The following TLR2 variants were observed in gnomAD, a reference collection of about 807,000 sequenced individuals.
TLR2 encodes the protein toll-like receptor 2.
In TLR2, 7 loss-of-function variants were observed where a neutral mutation model predicts 9.1. The ratio of observed to expected loss-of-function variants is 0.77; its 90% CI spans 0.44 to 1.44. The LOEUF (loss-of-function observed/expected upper bound fraction) is 1.44, where lower values mean the gene tolerates loss of function less well. Among genes scored for constraint, TLR2 ranks in the 40% most tolerant of loss-of-function variants. The pLI, the probability that TLR2 is intolerant of heterozygous loss-of-function variation, is 0.01. For synonymous variants in TLR2, 317 were observed against 344.6 expected, an observed-to-expected ratio of 0.92 and a Z score of 0.89; for missense variants, 812 against 904.6, an observed-to-expected ratio of 0.90 and a Z score of 1.31.
intron 2 of TLR2, among the ~76,000 whole-genome samples, chr4:153,698,671 A>T (rs1488742364): frequency 6.6e-6 from 1 of 152,224 alleles, no homozygotes; most frequent in African/African-American, 2.4e-5. Flanking sequence ...TTATAAGATA[A>T]TAAAAACCTC....
Position 153,704,094 on chromosome 4 carries a change from A to C in TLR2, c.1187A>C (p.Gln396Pro), listed in dbSNP as rs1737137483. ...WPSLQTLILR[Q>P]NHLASLEKTG... ...TCTCTACAAACTTTAATTTTAAGGC[A>C]AAATCATTTGGCATCATTGGAAAAA... Residue 396 changes from glutamine to proline, a missense_variant, in exon 3 of 3, where the codon CAA becomes CCA. Transcript: ENST00000642700. 1 of 1,614,100 alleles carries C rather than the reference A, an allele frequency of 6.2e-7. No individual in the cohort carries two copies. The highest frequency in any genetic ancestry group is 8.5e-7 in the Non-Finnish European group (1 of 1,180,002).
chr4:153,702,640 T>G, intron 2 of TLR2: 1 of 388,178 alleles, frequency 2.6e-6, no homozygotes, highest in Non-Finnish European at 4.6e-6. Context: ...TCCGGATGGT[T>G]GTGCTTTTAA....
At chr4:153,687,808 G>A (rs1461089415) in intron 1 of TLR2, 94 bp from the exon 2 acceptor site, 1 of 152,174 alleles carries the variant, frequency 6.6e-6, no homozygotes, top group Non-Finnish European at 1.5e-5. Context: ...CACACTGTTG[G>A]ATGCTCTCTG....
chr4:153,685,422 G>T (rs1268178483), intron 1 of TLR2, among the ~76,000 whole-genome samples: 2 of 152,180 alleles, frequency 1.3e-5, no homozygotes, highest in Non-Finnish European at 2.9e-5. Context: ...TTGCTGAGAT[G>T]ACTTTAATCT....
chr4:153,699,415 A>G (rs1736729175), intron 2 of TLR2, among the ~76,000 whole-genome samples: 1 of 152,212 alleles, frequency 6.6e-6, no homozygotes, highest in African/African-American at 2.4e-5. Context: ...ATCCCTCTAA[A>G]TGGGCATCTT....
downstream of TLR2, among the ~76,000 whole-genome samples, chr4:153,707,277 A>G (rs1166772198): frequency 6.6e-6 from 1 of 152,132 alleles, no homozygotes; most frequent in Non-Finnish European, 1.5e-5. Context: ...CCTTAAAAAA[A>G]ATCAGGCTTG....
chr4:153,707,108 T>C (rs1310081544), downstream of TLR2, among the ~76,000 whole-genome samples: 3 of 152,198 alleles, frequency 2.0e-5, no homozygotes, highest in Non-Finnish European at 4.4e-5. Context: ...TTATGGATAC[T>C]AGCAGGGATA....
rs756383238 is a variant in TLR2 at position 153,703,893 on chromosome 4, G to A, written c.986G>A (p.Ser329Asn). 5.0e-6 allele frequency: 8 copies of A among 1,613,782 alleles called. No homozygotes were observed. The East Asian group carries it at 1.3e-4, about 27-fold the overall frequency. ...AGGTTTTACTTATTTTATGATCTGA[G>A]CACTTTATATTCACTTACAGAAAGA... is the stretch of plus-strand genomic sequence containing the variant. ...IPRFYLFYDL[S>N]TLYSLTERVK... The change falls in exon 3 of 3, where the codon AGC becomes AAC. Residue 329 changes from serine to asparagine, a missense_variant. Ser to Asn is a conservative substitution (Grantham distance 46). Coordinates refer to ENST00000642700, the MANE Select transcript of TLR2 (RefSeq NM_001318789.2).
chr4:153,695,580 C>A (rs1316846894), intron 2 of TLR2, among the ~76,000 whole-genome samples: 1 of 151,746 alleles, frequency 6.6e-6, no homozygotes, highest in Admixed American at 6.6e-5. Flanking sequence ...GTTATTAATC[C>A]CCTTTCAAAT....
At chr4:153,693,226 A>G (rs1176001567) in intron 2 of TLR2, among the ~76,000 whole-genome samples, 1 of 152,218 alleles carries the variant, frequency 6.6e-6, no homozygotes, top group African/African-American at 2.4e-5. Flanking sequence ...AGACCTACCT[A>G]GAAGTAATCC....
In TLR2 at chr4:153,704,668, G is replaced by A. The variant is rs1737200812; in HGVS notation, c.1761G>A (p.Arg587=). Residue 587 remains arginine (R), a synonymous_variant, in exon 3 of 3, where the codon AGG becomes AGA. Transcript: ENST00000642700. ...DVRLSVSECH[R]TALVSGMCCA... is the part of the protein sequence containing the mutation. The stretch of plus-strand genomic sequence containing the variant: ...GCCTCTCGGTGTCGGAATGTCACAG[G>A]ACAGCACTGGTGTCTGGCATGTGCT... 3 of 1,612,476 alleles carry A rather than the reference G, an allele frequency of 1.9e-6. No homozygotes were observed. Among genetic ancestry groups the A allele is most frequent in the Non-Finnish European group, 2.5e-6 (3 of 1,179,610 alleles).
intron 2 of TLR2, among the ~76,000 whole-genome samples, chr4:153,695,225 G>C (rs964653473): frequency 6.6e-6 from 1 of 152,254 alleles, no homozygotes; most frequent in Non-Finnish European, 1.5e-5. Flanking sequence ...TAGCTCTACT[G>C]TTAGTCTTTT....
intron 2 of TLR2, among the ~76,000 whole-genome samples, chr4:153,695,453 G>A (rs1736425551): frequency 6.6e-6 from 1 of 152,072 alleles, no homozygotes; most frequent in Non-Finnish European, 1.5e-5. Context: ...TTATATATCT[G>A]TTTGCCATTC....
chr4:153,696,944 A>T (rs2127041932), intron 2 of TLR2, among the ~76,000 whole-genome samples: 1 of 152,274 alleles, frequency 6.6e-6, no homozygotes, highest in South Asian at 2.1e-4. Context: ...AAAAGAAGGT[A>T]AGATGTGTTT....
intron 2 of TLR2, among the ~76,000 whole-genome samples, chr4:153,696,143 C>T (rs1736479652): frequency 1.3e-5 from 2 of 152,048 alleles, no homozygotes; most frequent in Non-Finnish European, 2.9e-5. Flanking sequence ...CTCAGAATAG[C>T]TCTGGCTATT....
At chr4:153,708,336 T>C (rs1002063756), downstream of TLR2, among the ~76,000 whole-genome samples, 1 of 152,216 alleles carries the variant, frequency 6.6e-6, no homozygotes, top group African/African-American at 2.4e-5. Flanking sequence ...GGAGAAAAAC[T>C]AATTTTTTGT....
chr4:153,703,390 C>CTTCA lies in TLR2; in HGVS notation c.484_487dup (p.Thr163IlefsTer3). ...TCCTGAGAGTGGGAAATATGGACAC[C>CTTCA]TTCACTAAGATTCAAAGAAAAGATT... On this transcript the variant is annotated frameshift_variant, in exon 3 of 3. Coordinates refer to ENST00000642700, the MANE Select transcript of TLR2 (RefSeq NM_001318789.2). LOFTEE classifies it low-confidence loss of function (END_TRUNC). 6.2e-7 allele frequency: 1 copy of CTTCA among 1,614,022 alleles called. No individual in the cohort carries two copies. The highest frequency in any genetic ancestry group is 8.5e-7 in the Non-Finnish European group (1 of 1,180,012).
At chr4:153,688,858 G>A (rs1400605395) in intron 2 of TLR2, among the ~76,000 whole-genome samples, 2 of 152,186 alleles carry the variant, frequency 1.3e-5, no homozygotes, top group African/African-American at 4.8e-5. Context: ...GGCCAGGTTT[G>A]GGAGCCTGTT....
Position 153,703,065 on chromosome 4 carries a change from C to A in TLR2, c.158C>A (p.Ala53Asp). 6.2e-7 allele frequency: 1 copy of A among 1,614,070 alleles called. No individual in the cohort carries two copies. The highest frequency in any genetic ancestry group is 8.5e-7 in the Non-Finnish European group (1 of 1,180,016). The change falls in exon 3 of 3, where the codon GCT becomes GAT. Residue 53 changes from alanine (A) to aspartate (D), a missense_variant. Ala to Asp is a moderately radical substitution (Grantham distance 126, BLOSUM62 -2). Transcript: ENST00000642700. ...LNSIPSGLTE[A>D]VKSLDLSNNR... is the part of the protein sequence containing the mutation. ...TCCATTCCCTCAGGGCTCACAGAAG[C>A]TGTAAAAAGCCTTGACCTGTCCAAC...
Sources: gnomAD v4.1 joint callset for allele counts (sites outside exome capture counted in the v4.1 genomes callset) on GRCh38, gnomAD v4.1.1 for gene constraint, MANE v1.5 for transcripts, NCBI Gene and HGNC (gene_info 2026-07-23, HGNC 2026-07-21) for gene names.